PTPRD: variants seen among roughly 807,000 people sequenced by gnomAD.
PTPRD encodes receptor-type tyrosine-protein phosphatase delta.
A neutral mutation model predicts 214.5 loss-of-function variants in PTPRD; 34 were observed. The observed-to-expected ratio is 0.16, with a 90% CI of 0.12 to 0.21. PTPRD has a LOEUF of 0.21. Among genes scored for constraint, PTPRD ranks in the 10% least tolerant of loss-of-function variants. The pLI is 1.00. For missense variants in PTPRD, 2,545 were observed against 2,398.7 expected, an observed-to-expected ratio of 1.06 and a Z score of -1.27; for synonymous variants, 1,128 against 845.7, an observed-to-expected ratio of 1.33 and a Z score of -5.79.
chr9:9,296,786 G>A (rs1953219583), intron 9 of PTPRD, among the ~76,000 whole-genome samples: 1 of 151,728 alleles, frequency 6.6e-6, no homozygotes, highest in African/African-American at 2.4e-5. Context: ...TTACGTAGAT[G>A]AATCAAGGCA....
At chr9:10,225,257 T>C (rs1479643196) in intron 3 of PTPRD, among the ~76,000 whole-genome samples, 1 of 152,008 alleles carries the variant, frequency 6.6e-6, no homozygotes, top group African/African-American at 2.4e-5. Context: ...ATTTAGATCT[T>C]ATGGTTACTA....
At chr9:10,161,419 T>TC (rs1267544306) in intron 3 of PTPRD, among the ~76,000 whole-genome samples, 1 of 151,792 alleles carries the variant, frequency 6.6e-6, no homozygotes, top group East Asian at 1.9e-4. Flanking sequence ...TTCATTTTTT[T>TC]CACAAAGGTA....
intron 3 of PTPRD, among the ~76,000 whole-genome samples, chr9:10,108,909 T>C (rs569602480): frequency 1.3e-5 from 2 of 151,798 alleles, no homozygotes; most frequent in South Asian, 2.1e-4. Context: ...TATTCCATAA[T>C]ATAATACTAT....
chr9:9,943,920 A>C (rs1432604935), intron 4 of PTPRD, among the ~76,000 whole-genome samples: 1 of 152,076 alleles, frequency 6.6e-6, no homozygotes, highest in Admixed American at 6.6e-5. Context: ...ATGCTCCTTC[A>C]CCAATGTCTC....
At chr9:10,316,504 CAAAA>C (rs1308490419) in intron 3 of PTPRD, among the ~76,000 whole-genome samples, 1 of 151,632 alleles carries the variant, frequency 6.6e-6, no homozygotes, top group Non-Finnish European at 1.5e-5. Context: ...TAACAGAAAA[CAAAA>C]AGAAAAGCCA....
At chr9:8,903,146 C>CT (rs57429483) in intron 11 of PTPRD, among the ~76,000 whole-genome samples, 17 of 147,776 alleles carry the variant, frequency 1.2e-4, no homozygotes, top group South Asian at 4.3e-4. Context: ...CTATCTTATT[C>CT]TTTTTTTTTT....
chr9:10,606,226 A>G (rs993357125), intron 2 of PTPRD, among the ~76,000 whole-genome samples: 1 of 151,856 alleles, frequency 6.6e-6, no homozygotes, highest in African/African-American at 2.4e-5. Flanking sequence ...CCTAACCCCA[A>G]GGTGAAAGAT....
chr9:8,841,761 C>T (rs2097562768), intron 11 of PTPRD, among the ~76,000 whole-genome samples: 1 of 151,814 alleles, frequency 6.6e-6, no homozygotes, highest in Admixed American at 6.6e-5. Flanking sequence ...CCTGTAATCC[C>T]AGCACTTTGG....
At chr9:8,557,611 T>A (rs2084391706) in intron 14 of PTPRD, among the ~76,000 whole-genome samples, 1 of 148,244 alleles carries the variant, frequency 6.7e-6, no homozygotes, top group South Asian at 2.1e-4. Context: ...GGCATGGTGG[T>A]GGGCACCTGT....
intron 4 of PTPRD, among the ~76,000 whole-genome samples, chr9:10,016,393 A>ATAGATGGATAGG (rs56040812): frequency 1.3e-5 from 2 of 149,902 alleles, no homozygotes; most frequent in African/African-American, 5.0e-5. Flanking sequence ...AGATAGATAG[A>ATAGATGGATAGG]TAGACAGATA....
At chr9:10,611,754 C>A (rs915857003) in intron 2 of PTPRD, among the ~76,000 whole-genome samples, 1 of 152,188 alleles carries the variant, frequency 6.6e-6, no homozygotes, top group Admixed American at 6.5e-5. Context: ...GTATTTTTCA[C>A]ATTCTCTCTC....
chr9:9,830,704 T>C (rs2054540979), intron 5 of PTPRD, among the ~76,000 whole-genome samples: 1 of 151,842 alleles, frequency 6.6e-6, no homozygotes, highest in Non-Finnish European at 1.5e-5. Flanking sequence ...GACAATATAA[T>C]ATTGAAAGAC....
intron 13 of PTPRD, among the ~76,000 whole-genome samples, chr9:8,636,277 G>A (rs1419546214): frequency 6.6e-6 from 1 of 152,104 alleles, no homozygotes; most frequent in East Asian, 1.9e-4. Context: ...ATTCTGATTG[G>A]CTTAAATTAA....
intron 12 of PTPRD, among the ~76,000 whole-genome samples, chr9:8,708,861 T>C (rs1049755654): frequency 6.6e-6 from 1 of 152,026 alleles, no homozygotes; most frequent in East Asian, 1.9e-4. Context: ...CATCAATGGA[T>C]GAGTGAATAA....
At chr9:9,744,503 C>G (rs1395371814) in intron 6 of PTPRD, among the ~76,000 whole-genome samples, 2 of 152,010 alleles carry the variant, frequency 1.3e-5, no homozygotes, top group African/African-American at 4.8e-5. Context: ...TCAAATATCT[C>G]TAATTTATAT....
At chr9:8,356,959 G>C (rs371205856) in intron 39 of PTPRD, among the ~76,000 whole-genome samples, 2 of 152,148 alleles carry the variant, frequency 1.3e-5, no homozygotes, top group African/African-American at 4.8e-5. Flanking sequence ...TAGATGATGA[G>C]TGGCAGCATC....
intron 14 of PTPRD, among the ~76,000 whole-genome samples, chr9:8,621,277 G>C (rs112217742): frequency 6.6e-6 from 1 of 151,916 alleles, no homozygotes; most frequent in Non-Finnish European, 1.5e-5. Flanking sequence ...GAGGACACAG[G>C]AAGCGTGGTC....
At chr9:8,751,016 G>A (rs944648976) in intron 11 of PTPRD, among the ~76,000 whole-genome samples, 2 of 152,094 alleles carry the variant, frequency 1.3e-5, no homozygotes, top group East Asian at 3.9e-4. Flanking sequence ...AAGCTCTATT[G>A]TGAAGTCTTT....
At chr9:10,597,076 T>TATATATATTTCAC (rs1211325453) in intron 2 of PTPRD, among the ~76,000 whole-genome samples, 3 of 151,296 alleles carry the variant, frequency 2.0e-5, no homozygotes, top group African/African-American at 4.8e-5. Context: ...TTTCCATATA[T>TATATATATTTCAC]ATATATATTT....
Sources: allele counts gnomAD v4.1 joint callset (sites outside exome capture counted in the v4.1 genomes callset), GRCh38; gene constraint gnomAD v4.1.1; transcripts MANE v1.5; gene names NCBI Gene and HGNC (gene_info 2026-07-23, HGNC 2026-07-21).